Variants in PALLD observed in about 807,000 individuals in gnomAD.
PALLD encodes the protein palladin.
In PALLD, 61 loss-of-function variants were observed where a neutral mutation model predicts 123.5. That is an observed-to-expected ratio of 0.49 (90% CI 0.40 to 0.61). The LOEUF (loss-of-function observed/expected upper bound fraction) is 0.61, where lower values mean the gene tolerates loss of function less well. Ranked by LOEUF, PALLD falls within the 20% of genes least tolerant of loss-of-function variation. PALLD has a pLI of 0.00. For synonymous variants in PALLD, 465 were observed against 496.4 expected (o/e 0.94, Z 0.84); for missense variants, 1,273 against 1,377.0 (o/e 0.92, Z 1.20).
At chr4:168,620,616 A>C (rs1008993521) in intron 2 of PALLD, among the ~76,000 whole-genome samples, 6 of 152,226 alleles carry the variant, frequency 3.9e-5, no homozygotes, top group Non-Finnish European at 8.8e-5. Flanking sequence ...TTTGTGCACT[A>C]TGTAGAGGCT....
chr4:168,793,070 G>A (rs532803333), intron 10 of PALLD, among the ~76,000 whole-genome samples: 8 of 150,518 alleles, frequency 5.3e-5, no homozygotes, highest in South Asian at 4.2e-4. Flanking sequence ...TTAAATGTGC[G>A]TAATACATGT....
intron 2 of PALLD, among the ~76,000 whole-genome samples, chr4:168,549,730 A>G (rs554674140): frequency 6.6e-6 from 1 of 152,210 alleles, no homozygotes; most frequent in Non-Finnish European, 1.5e-5. Context: ...TAGAAAAGTT[A>G]ACCAGCCATT....
rs901602907 is a variant in PALLD, at chr4:168,844,884, G to T, written c.1965-46038G>T. 6.6e-6 allele frequency: 1 copy of T among 152,324 alleles called. No individual in the cohort carries two copies. The highest frequency in any genetic ancestry group is 1.5e-5 in the Non-Finnish European group (1 of 68,156). The allele number at this position is 152,324 out of a possible 1,614,324, so 9.4% of individuals were successfully genotyped here. A position where few individuals can be genotyped will look rare whatever the true frequency, so the allele number is the denominator to read the frequency against. ...GACCAGGCCATCATGGGTTAGGCTC[G>T]GAAGGGAGGGGCCCAGATGCAGAAT... is the stretch of plus-strand genomic sequence containing the variant. On this transcript the variant is annotated intron_variant, in intron 10 of 21. Transcript: ENST00000505667. This position sits in a 1 kb window ranked among gnomAD's most constrained non-coding sequence, Gnocchi z 4.5.
Position 168,691,351 on chromosome 4 carries a change from T to G in PALLD, c.1501+59T>G, listed in dbSNP as rs1026511268. The G allele has an allele frequency of 7.3e-6, 10 of 1,363,682 alleles. No homozygotes were observed. In the African/African-American group the frequency reaches 1.3e-4, roughly 18 times the overall value. The allele number at this position is 1,363,682 out of a possible 1,614,324, so 84.5% of individuals were successfully genotyped here. On this transcript the variant is annotated intron_variant, in intron 8 of 21. Transcript: ENST00000505667. ...GTGGGGGAGCAGATAATGTATCTTT[T>G]GGGTCTCAATAGTTCTTTCTTTCTA...
At chr4:168,541,504 T>A (rs377537593) in intron 2 of PALLD, among the ~76,000 whole-genome samples, 9 of 151,708 alleles carry the variant, frequency 5.9e-5, no homozygotes, top group African/African-American at 2.2e-4. Flanking sequence ...GAGACAGTCT[T>A]ACTCTGTCGC....
intron 2 of PALLD, among the ~76,000 whole-genome samples, chr4:168,646,530 C>A (rs1040414391): frequency 6.6e-6 from 1 of 152,296 alleles, no homozygotes; most frequent in Non-Finnish European, 1.5e-5. Context: ...TCTCCAGAAC[C>A]AATCCTAACC....
At chr4:168,601,186 C>T (rs967628575) in intron 2 of PALLD, among the ~76,000 whole-genome samples, 13 of 152,002 alleles carry the variant, frequency 8.6e-5, no homozygotes, top group African/African-American at 2.9e-4. Context: ...GTAAAAAAAT[C>T]TATCTATAGG....
rs181306943 is a variant in PALLD at position 168,786,188 on chromosome 4, C to T, written c.1964+74265C>T. ...ACTAAAAATACAAAAATTAGCTGGGCGTGGTGGTGTGTGCCTGTAGTCCCA... is the reference window on the plus strand; with the variant it reads ...ACTAAAAATACAAAAATTAGCTGGGTGTGGTGGTGTGTGCCTGTAGTCCCA... On this transcript the variant is annotated intron_variant, in intron 10 of 21. Transcript: ENST00000505667. 1.1e-3 allele frequency among the ~76,000 whole-genome samples: 167 copies of T among 150,860 alleles called. 1 individual carries two copies. The highest frequency in any genetic ancestry group is 3.8e-3 in the African/African-American group (157 of 41,060).
chr4:168,594,993 T>G (rs1324643426), intron 2 of PALLD, among the ~76,000 whole-genome samples: 1 of 152,176 alleles, frequency 6.6e-6, no homozygotes, highest in Non-Finnish European at 1.5e-5. Context: ...GTAAATGAAT[T>G]ATCTGTTTTG....
intron 2 of PALLD, among the ~76,000 whole-genome samples, chr4:168,614,503 A>G (rs1453030939): frequency 6.6e-6 from 1 of 152,224 alleles, no homozygotes; most frequent in Non-Finnish European, 1.5e-5. Context: ...TTGAAAAACC[A>G]TAAAGCAGCA....
chr4:168,845,427 A>G (rs1226797984), intron 10 of PALLD, among the ~76,000 whole-genome samples: 3 of 152,242 alleles, frequency 2.0e-5, no homozygotes, highest in African/African-American at 7.2e-5. Context: ...AATATTTGGA[A>G]AAACAAAACA....
chr4:168,527,061 G>C (rs1764117873), intron 2 of PALLD, among the ~76,000 whole-genome samples: 3 of 152,124 alleles, frequency 2.0e-5, no homozygotes, highest in Admixed American at 1.3e-4. Flanking sequence ...AGCTGCTTGT[G>C]GCATTTGTCT....
At chr4:168,605,675 G>A (rs1219899300) in intron 2 of PALLD, among the ~76,000 whole-genome samples, 1 of 152,216 alleles carries the variant, frequency 6.6e-6, no homozygotes, top group African/African-American at 2.4e-5. Flanking sequence ...TGGTGCATCT[G>A]CGGACCAGCG....
intron 10 of PALLD, among the ~76,000 whole-genome samples, chr4:168,780,097 C>T (rs1735701318): frequency 6.6e-6 from 1 of 152,084 alleles, no homozygotes; most frequent in African/African-American, 2.4e-5. Flanking sequence ...TGGGGTTTCA[C>T]CATGTTAGCC....
intron 10 of PALLD, among the ~76,000 whole-genome samples, chr4:168,763,105 G>A (rs777057860): frequency 2.6e-5 from 4 of 152,098 alleles, no homozygotes; most frequent in Non-Finnish European, 5.9e-5. Context: ...AAACCACCAT[G>A]GCACATGTAT....
At chr4:168,554,858 A>G (rs1028412991) in intron 2 of PALLD, among the ~76,000 whole-genome samples, 3 of 152,132 alleles carry the variant, frequency 2.0e-5, no homozygotes, top group Non-Finnish European at 4.4e-5. Flanking sequence ...TATCATATTT[A>G]TACTATTTAC....
intron 10 of PALLD, among the ~76,000 whole-genome samples, chr4:168,810,154 G>C (rs1048677067): frequency 6.6e-6 from 1 of 152,060 alleles, no homozygotes; most frequent in Admixed American, 6.6e-5. Flanking sequence ...ATCGTAAGAG[G>C]TTGAGAGGAG....
intron 10 of PALLD, among the ~76,000 whole-genome samples, chr4:168,840,190 C>T (rs1036752913): frequency 1.3e-5 from 2 of 151,910 alleles, no homozygotes; most frequent in African/African-American, 4.8e-5. Context: ...CACATTGCAC[C>T]ATTTTGTTAT....
rs61409598 is a variant in PALLD at position 168,567,542 on chromosome 4, GGT to G, written c.908+55155_908+55156del. Among the ~76,000 whole-genome samples, 782 of 145,510 alleles carry G rather than the reference GGT, an allele frequency of 5.4e-3. 8 individuals carry two copies. The highest frequency in any genetic ancestry group is 0.013 in the African/African-American group (533 of 39,732). On this transcript the variant is annotated intron_variant, in intron 2 of 21. Transcript: ENST00000505667. The stretch of plus-strand genomic sequence containing the variant: ...ATGGTTGATTGGATAAAGAAAATGT[GGT>G]GTGTGTGTGTGTGTGTGTGTGTGTA...
Sources: allele counts gnomAD v4.1 joint callset (sites outside exome capture counted in the v4.1 genomes callset), GRCh38; gene constraint gnomAD v4.1.1; non-coding constraint Gnocchi (gnomAD v3.1); transcripts MANE v1.5; gene names NCBI Gene and HGNC (gene_info 2026-07-23, HGNC 2026-07-21).